Variants in OCA2 observed in about 807,000 individuals in gnomAD.
OCA2 encodes the protein P protein.
A neutral mutation model predicts 100.2 loss-of-function variants in OCA2; 77 were observed. The ratio of observed to expected loss-of-function variants is 0.77; its 90% CI spans 0.64 to 0.93. The LOEUF (loss-of-function observed/expected upper bound fraction) is 0.93. Among genes scored for constraint, OCA2 ranks in the 40% least tolerant of loss-of-function variants. OCA2 has a pLI of 0.00. For missense variants in OCA2, 1,062 were observed against 1,089.1 expected (o/e 0.98, Z 0.35); for synonymous variants, 432 against 439.2 (o/e 0.98, Z 0.21).
chr15:27,862,323 G>A (rs2036167134), intron 21 of OCA2, among the ~76,000 whole-genome samples: 3 of 151,782 alleles, frequency 2.0e-5, no homozygotes, highest in South Asian at 2.1e-4. Context: ...GAGTCCTCAC[G>A]GACAGAAAGC....
chr15:27,980,581 G>A (rs2041127819), intron 14 of OCA2, among the ~76,000 whole-genome samples: 1 of 152,102 alleles, frequency 6.6e-6, no homozygotes, highest in South Asian at 2.1e-4. Flanking sequence ...TGCTGCTGAT[G>A]CATTCTTTTT....
chr15:27,900,414 T>C (rs1360897650), intron 19 of OCA2, among the ~76,000 whole-genome samples: 1 of 152,216 alleles, frequency 6.6e-6, no homozygotes, highest in Non-Finnish European at 1.5e-5. Context: ...CTTTGTTGTC[T>C]CATCCTTATG....
chr15:28,081,549 C>G, intron 2 of OCA2, 99 bp downstream of exon 2: 1 of 1,233,656 alleles, frequency 8.1e-7, no homozygotes, highest in Non-Finnish European at 1.2e-6. Flanking sequence ...TGCAAAATTT[C>G]TGGAAATTTT....
chr15:27,880,316 G>C (rs952889346), intron 19 of OCA2, among the ~76,000 whole-genome samples: 1 of 152,162 alleles, frequency 6.6e-6, no homozygotes, highest in Admixed American at 6.5e-5. Context: ...TTTTGCTTAG[G>C]ATTATCTTGG....
intron 23 of OCA2, among the ~76,000 whole-genome samples, chr15:27,805,633 G>A (rs1023012712): frequency 7.2e-5 from 11 of 152,172 alleles, no homozygotes; most frequent in Non-Finnish European, 1.3e-4. Flanking sequence ...CGGTGGGGCT[G>A]GAGCGGGCCG....
intron 23 of OCA2, among the ~76,000 whole-genome samples, chr15:27,814,968 C>A (rs1288126703): frequency 1.3e-5 from 2 of 149,468 alleles, no homozygotes; most frequent in African/African-American, 5.0e-5. Context: ...ATATATATAT[C>A]TTCTTTATGC....
chr15:28,027,178 G>A (rs3794603), intron 4 of OCA2, among the ~76,000 whole-genome samples: 16,919 of 152,280 alleles, frequency 0.11, 1,230 homozygotes, highest in Middle Eastern at 0.24. Context: ...GCTACTGCCC[G>A]CGCACACGCT....
At chr15:27,730,732 A>AATATATTTATATATAT in the OCA2 span, among the ~76,000 whole-genome samples, 5 of 102,008 alleles carry the variant, frequency 4.9e-5, no homozygotes, top group African/African-American at 1.7e-4. Flanking sequence ...AAAAAGACCA[A>AATATATTTATATATAT]ATATATATAT....
In OCA2 at chr15:27,858,405, A is replaced by G. The variant is rs543419964; in HGVS notation, c.2245-6930T>C. Among the ~76,000 whole-genome samples the G allele has an allele frequency of 1.6e-4, 25 of 151,816 alleles. 1 individual carries two copies. In the East Asian group the frequency reaches 4.8e-3, roughly 29 times the overall value. On this transcript the variant is annotated intron_variant, in intron 21 of 23. Transcript: ENST00000354638. ...GAAAGAAAGAAAAAAAAAAAAAAAA[A>G]CAGAAATTGGCAGACTGGATAAGAA...
chr15:27,792,010 G>C (rs1281543068), intron 23 of OCA2, among the ~76,000 whole-genome samples: 1 of 152,162 alleles, frequency 6.6e-6, no homozygotes, highest in Non-Finnish European at 1.5e-5. Flanking sequence ...AGGAGCCCAA[G>C]ACTGTGTGTC....
At chr15:28,042,247 C>T (rs1049031466) in intron 2 of OCA2, among the ~76,000 whole-genome samples, 4 of 152,128 alleles carry the variant, frequency 2.6e-5, no homozygotes, top group Admixed American at 2.6e-4. Flanking sequence ...AAAGACTGTA[C>T]TGAAACCCTG....
intron 18 of OCA2, among the ~76,000 whole-genome samples, chr15:27,949,405 G>T (rs768910224): frequency 2.6e-5 from 4 of 152,226 alleles, no homozygotes; most frequent in African/African-American, 7.2e-5. Context: ...GCTCGTGCCT[G>T]TAATCCCCGC....
At chr15:28,003,716 G>T (rs916904304) in intron 9 of OCA2, among the ~76,000 whole-genome samples, 24 of 152,144 alleles carry the variant, frequency 1.6e-4, no homozygotes, top group Non-Finnish European at 1.5e-5. Flanking sequence ...CTTAGAAACG[G>T]GATCTCAGAG....
At chr15:27,882,073 G>T (rs1346348413) in intron 19 of OCA2, among the ~76,000 whole-genome samples, 2 of 151,934 alleles carry the variant, frequency 1.3e-5, no homozygotes, top group South Asian at 2.1e-4. Flanking sequence ...TGTTCTCTTT[G>T]GTTTCAAAGA....
At chr15:27,766,280 A>AT (rs1159421501) in intron 23 of OCA2, among the ~76,000 whole-genome samples, 4 of 152,208 alleles carry the variant, frequency 2.6e-5, no homozygotes, top group Non-Finnish European at 4.4e-5. Context: ...AATAGTTGAC[A>AT]TTTTTTAAAT....
chr15:27,836,457 T>A (rs899632696), intron 23 of OCA2, among the ~76,000 whole-genome samples: 3 of 152,194 alleles, frequency 2.0e-5, no homozygotes, highest in African/African-American at 7.2e-5. Flanking sequence ...CTTTAGCAAA[T>A]ATAACATGTG....
At chr15:27,918,271 C>T (rs923655060) in intron 19 of OCA2, among the ~76,000 whole-genome samples, 2 of 151,982 alleles carry the variant, frequency 1.3e-5, no homozygotes, top group African/African-American at 4.8e-5. Context: ...AGGGTTTCAC[C>T]ATGTTGGCCA....
chr15:27,900,070 C>T (rs145126297), intron 19 of OCA2, among the ~76,000 whole-genome samples: 54 of 152,254 alleles, frequency 3.5e-4, no homozygotes, highest in Middle Eastern at 3.4e-3. Context: ...TCTCAGGATG[C>T]GGCAACCATG....
intron 14 of OCA2, among the ~76,000 whole-genome samples, chr15:27,968,212 C>A (rs375046042): frequency 2.1e-4 from 32 of 152,354 alleles, no homozygotes; most frequent in African/African-American, 7.7e-4. Flanking sequence ...CCTGAGCCCC[C>A]AGCAGGACAG....
Sources: allele counts gnomAD v4.1 joint callset (sites outside exome capture counted in the v4.1 genomes callset), GRCh38; gene constraint gnomAD v4.1.1; transcripts MANE v1.5; gene names NCBI Gene and HGNC (gene_info 2026-07-23, HGNC 2026-07-21).